Variants in WWOX observed in about 807,000 individuals in gnomAD.
WWOX encodes WW domain containing oxidoreductase.
In WWOX, 69 loss-of-function variants were observed where a neutral mutation model predicts 46.2. That is an observed-to-expected ratio of 1.49 (90% CI 1.23 to 1.82). WWOX has a LOEUF of 1.82. Ranked by LOEUF, WWOX falls within the 40% of genes most tolerant of loss-of-function variation. WWOX has a pLI of 0.00. For synonymous variants in WWOX, 359 were observed against 202.6 expected, an observed-to-expected ratio of 1.77 and a Z score of -6.56; for missense variants, 919 against 542.6, an observed-to-expected ratio of 1.69 and a Z score of -6.89.
At chr16:79,189,134 C>T (rs962934651) in intron 8 of WWOX, among the ~76,000 whole-genome samples, 2 of 152,072 alleles carry the variant, frequency 1.3e-5, no homozygotes, top group Admixed American at 6.5e-5. Flanking sequence ...ATGGTATTGC[C>T]CCTGGGACAT....
chr16:78,817,238 A>T (rs1391160786), intron 8 of WWOX, among the ~76,000 whole-genome samples: 7 of 127,838 alleles, frequency 5.5e-5, no homozygotes, highest in African/African-American at 2.1e-4. Context: ...AAGAATAGGG[A>T]AGCTTAGCCA....
At chr16:78,382,184 TTC>T (rs1386484807) in intron 5 of WWOX, among the ~76,000 whole-genome samples, 3 of 152,198 alleles carry the variant, frequency 2.0e-5, no homozygotes, top group African/African-American at 2.4e-5. Context: ...GTTCCTCACT[TTC>T]TGTTTTTATT....
intron 6 of WWOX, among the ~76,000 whole-genome samples, chr16:78,420,011 C>T (rs943472871): frequency 3.9e-5 from 6 of 151,920 alleles, no homozygotes; most frequent in Admixed American, 1.3e-4. Flanking sequence ...CACAAATTGC[C>T]AATGAATACA....
intron 8 of WWOX, among the ~76,000 whole-genome samples, chr16:78,746,447 A>T (rs1276617871): frequency 6.6e-6 from 1 of 152,176 alleles, no homozygotes; most frequent in Non-Finnish European, 1.5e-5. Flanking sequence ...GCAGTGAGCC[A>T]TGATCATGCC....
At chr16:78,342,750 G>C (rs1409073470) in intron 5 of WWOX, among the ~76,000 whole-genome samples, 3 of 120,456 alleles carry the variant, frequency 2.5e-5, no homozygotes, top group East Asian at 1.9e-4. Context: ...AAAAATTGCA[G>C]GTTTGAAAGG....
intron 8 of WWOX, among the ~76,000 whole-genome samples, chr16:78,963,131 A>G (rs1039448662): frequency 2.0e-5 from 3 of 152,136 alleles, no homozygotes; most frequent in Admixed American, 1.3e-4. Flanking sequence ...CTATCCATTT[A>G]CCATTCCTCT....
intron 8 of WWOX, among the ~76,000 whole-genome samples, chr16:79,139,195 G>A (rs577263024): frequency 3.3e-4 from 50 of 152,256 alleles, no homozygotes; most frequent in Middle Eastern, 6.8e-3. Flanking sequence ...ATATTTCAGC[G>A]TGCCTCCTAA....
intron 8 of WWOX, among the ~76,000 whole-genome samples, chr16:78,598,387 C>T (rs762641391): frequency 6.6e-6 from 1 of 152,110 alleles, no homozygotes; most frequent in Non-Finnish European, 1.5e-5. Context: ...GGGTTAAAAT[C>T]GAGAGGGGAA....
intron 8 of WWOX, among the ~76,000 whole-genome samples, chr16:78,869,836 T>G (rs1205496189): frequency 6.6e-6 from 1 of 152,186 alleles, no homozygotes; most frequent in African/African-American, 2.4e-5. Flanking sequence ...AGTAAGTTTG[T>G]GTGTGTATGT....
chr16:78,688,468 T>G (rs1343737575), intron 8 of WWOX, among the ~76,000 whole-genome samples: 1 of 152,136 alleles, frequency 6.6e-6, no homozygotes, highest in African/African-American at 2.4e-5. Flanking sequence ...CTATTGCATA[T>G]TAACCCACCA....
In WWOX at chr16:78,694,887, G is replaced by A. The variant is rs563031058; in HGVS notation, c.1056+262135G>A. ...CATCTGCTTCCTGCACTTTCTAAAT[G>A]GCCTACTTAAACCTTGAGGTAGGTC... On this transcript the variant is annotated intron_variant, in intron 8 of 8. Transcript: ENST00000566780. 2.0e-5 allele frequency among the ~76,000 whole-genome samples: 3 copies of A among 151,350 alleles called. No homozygotes were observed. The East Asian group carries it at 5.9e-4, about 30-fold the overall frequency.
intron 8 of WWOX, among the ~76,000 whole-genome samples, chr16:78,602,304 C>G (rs557882996): frequency 6.6e-6 from 1 of 152,074 alleles, no homozygotes; most frequent in African/African-American, 2.4e-5. Context: ...GTAATCTCGG[C>G]TTACTGCAAC....
chr16:78,996,785 G>A (rs144047949), intron 8 of WWOX, among the ~76,000 whole-genome samples: 10 of 152,206 alleles, frequency 6.6e-5, no homozygotes, highest in East Asian at 3.9e-4. Flanking sequence ...CACCTGCCTC[G>A]TATGGAAAAC....
intron 5 of WWOX, among the ~76,000 whole-genome samples, chr16:78,170,319 A>G (rs2035113492): frequency 6.6e-6 from 1 of 152,206 alleles, no homozygotes; most frequent in Non-Finnish European, 1.5e-5. Flanking sequence ...GCACATCATA[A>G]TATCTCTATT....
intron 8 of WWOX, among the ~76,000 whole-genome samples, chr16:78,536,193 G>T (rs909730815): frequency 2.6e-5 from 4 of 152,112 alleles, no homozygotes; most frequent in African/African-American, 9.7e-5. Context: ...ACATGCATGG[G>T]TGTAATTTGG....
At chr16:78,487,004 C>T (rs1350631773) in intron 8 of WWOX, among the ~76,000 whole-genome samples, 1 of 152,186 alleles carries the variant, frequency 6.6e-6, no homozygotes, top group Non-Finnish European at 1.5e-5. Flanking sequence ...TCGCATCCTG[C>T]TAAGTGTCCT....
chr16:78,682,262 C>G lies in WWOX; in HGVS notation c.1056+249510C>G, dbSNP rs80097930. ...TCTTCTGTCATGAAATAACAATCTT[C>G]TATTTAAACTAGTAAACTTAATAGT... On this transcript the variant is annotated intron_variant, in intron 8 of 8. Transcript: ENST00000566780. 1.6e-3 allele frequency among the ~76,000 whole-genome samples: 243 copies of G among 152,302 alleles called. 10 individuals are homozygous for G. In the East Asian group the frequency reaches 0.041, roughly 26 times the overall value.
chr16:78,469,896 A>G (rs1947335294), intron 8 of WWOX, among the ~76,000 whole-genome samples: 1 of 152,250 alleles, frequency 6.6e-6, no homozygotes, highest in South Asian at 2.1e-4. Context: ...GGGATTAGAT[A>G]GAGCCAATAA....
At chr16:78,745,021 T>G (rs2049315421) in intron 8 of WWOX, among the ~76,000 whole-genome samples, 1 of 152,148 alleles carries the variant, frequency 6.6e-6, no homozygotes, top group Non-Finnish European at 1.5e-5. Flanking sequence ...CACATACCAT[T>G]TATTCAGTGT....
Sources: gnomAD v4.1 joint callset for allele counts (sites outside exome capture counted in the v4.1 genomes callset) on GRCh38, gnomAD v4.1.1 for gene constraint, MANE v1.5 for transcripts, NCBI Gene and HGNC (gene_info 2026-07-23, HGNC 2026-07-21) for gene names.